The following RAB27B variants were observed in gnomAD, a reference collection of about 807,000 sequenced individuals.
RAB27B encodes the protein ras-related protein Rab-27B.
A neutral mutation model predicts 24.6 loss-of-function variants in RAB27B; 15 were observed. The observed-to-expected ratio is 0.61, with a 90% CI of 0.41 to 0.94. The LOEUF is 0.94. Ranked by LOEUF, RAB27B falls within the 40% of genes least tolerant of loss-of-function variation. The pLI is 0.00. For synonymous variants in RAB27B, 105 were observed against 92.5 expected (o/e 1.14, Z -0.78); for missense variants, 261 against 266.8 (o/e 0.98, Z 0.15).
At chr18:54,835,396 A>C (rs1253368881) in intron 1 of RAB27B, among the ~76,000 whole-genome samples, 1 of 151,354 alleles carries the variant, frequency 6.6e-6, no homozygotes, top group East Asian at 1.9e-4. Flanking sequence ...ATCACAGCTA[A>C]CTGTATGGAA....
Position 54,888,616 on chromosome 18 carries a change from TA to T in RAB27B, c.467+509del, listed in dbSNP as rs893902941. On this transcript the variant is annotated intron_variant, in intron 5 of 5. Transcript: ENST00000262094. ...TCCCAGCTGAGCTTGAATGGCAGCT[TA>T]AAAAAAAAAACAGAAACAACACCCC... 5.4e-4 allele frequency among the ~76,000 whole-genome samples: 79 copies of T among 145,692 alleles called. No individual in the cohort carries two copies. The South Asian group carries it at 6.5e-3, about 12-fold the overall frequency.
rs948408803 is a variant in RAB27B, at chr18:54,894,076, A to G, written c.*4663A>G. ...AATTTTTCCATAAATTAGATTTATG[A>G]TATTTTCATAAAGCACTTGATTAGT... is the stretch of plus-strand genomic sequence containing the variant. On this transcript the variant is annotated 3_prime_UTR_variant, in exon 6 of 6. Transcript: ENST00000262094. The G allele has an allele frequency of 6.6e-6, 1 of 151,936 alleles. No individual in the cohort carries two copies. Among genetic ancestry groups the G allele is most frequent in the Non-Finnish European group, 1.5e-5 (1 of 67,916 alleles). 9.4% of individuals were successfully genotyped at this position (151,936 alleles called of 1,614,324 possible).
In RAB27B at chr18:54,849,646, A is replaced by G. The variant is rs181097732; in HGVS notation, c.-20+20946A>G. Among the ~76,000 whole-genome samples, 7 of 152,294 alleles carry G rather than the reference A, an allele frequency of 4.6e-5. No individual in the cohort carries two copies. In the Middle Eastern group the frequency reaches 0.014, roughly 296 times the overall value. The stretch of plus-strand genomic sequence containing the variant: ...TGAGGCAGGAAAATCTCTTGAACCC[A>G]GGAGGTGGAGGTTGCAGTGAGCTGA... On this transcript the variant is annotated intron_variant, in intron 1 of 5. Coordinates refer to ENST00000262094, the MANE Select transcript of RAB27B (RefSeq NM_004163.4).
Position 54,872,799 on chromosome 18 carries a change from C to A in RAB27B, c.-19-4768C>A, listed in dbSNP as rs556807612. On this transcript the variant is annotated intron_variant, in intron 1 of 5. Coordinates refer to ENST00000262094, the MANE Select transcript of RAB27B (RefSeq NM_004163.4). ...GGCTCATGAGATTAATTTCATTAAT[C>A]ATGACATTTGCATGGCTGCAGATAG... 1.6e-4 allele frequency among the ~76,000 whole-genome samples: 25 copies of A among 152,224 alleles called. 1 individual carries two copies. The highest frequency in any genetic ancestry group is 6.0e-4 in the African/African-American group (25 of 41,530).
intron 1 of RAB27B, among the ~76,000 whole-genome samples, chr18:54,862,168 GAAGT>G (rs1329007750): frequency 6.6e-6 from 1 of 152,074 alleles, no homozygotes. Flanking sequence ...AAAAATTCTT[GAAGT>G]GAGTTTATTT....
At chr18:54,745,815 T>G (rs1210104811) in intron 2 of RAB27B, among the ~76,000 whole-genome samples, 1 of 147,408 alleles carries the variant, frequency 6.8e-6, no homozygotes, top group Non-Finnish European at 1.5e-5. Flanking sequence ...TTATAAATAT[T>G]AAATATTTAT....
chr18:54,810,832 CAAAATAAA>C (rs1170876312), intron 2 of RAB27B, among the ~76,000 whole-genome samples: 12 of 128,746 alleles, frequency 9.3e-5, no homozygotes, highest in Middle Eastern at 4.0e-3. Context: ...GACCCTGTCT[CAAAATAAA>C]TAAATAAATA....
At chr18:54,840,338 T>C (rs1160045819) in intron 1 of RAB27B, among the ~76,000 whole-genome samples, 1 of 152,212 alleles carries the variant, frequency 6.6e-6, no homozygotes, top group Non-Finnish European at 1.5e-5. Context: ...GTCTTTCTGA[T>C]AAATTAATTT....
intron 2 of RAB27B, among the ~76,000 whole-genome samples, chr18:54,759,881 C>A (rs978651317): frequency 6.6e-6 from 1 of 152,148 alleles, no homozygotes; most frequent in African/African-American, 2.4e-5. Context: ...CACTCCATCC[C>A]CTTTCCAGCT....
chr18:54,747,938 T>C (rs559653546), intron 2 of RAB27B, among the ~76,000 whole-genome samples: 3 of 152,138 alleles, frequency 2.0e-5, no homozygotes, highest in African/African-American at 7.2e-5. Flanking sequence ...TAAAACCCCA[T>C]CTTTGCAAAA....
intron 2 of RAB27B, among the ~76,000 whole-genome samples, chr18:54,878,429 C>T (rs966795146): frequency 2.0e-5 from 3 of 152,156 alleles, no homozygotes; most frequent in Non-Finnish European, 2.9e-5. Context: ...CTGTGGCTTC[C>T]AGTTGATGTC....
chr18:54,841,171 T>TGG (rs1409576382), intron 1 of RAB27B, among the ~76,000 whole-genome samples: 4 of 9,640 alleles, frequency 4.1e-4, no homozygotes, highest in Non-Finnish European at 1.2e-3. Context: ...GTGGGGGGTT[T>TGG]GGTGAGAGGG....
At chr18:54,817,426 C>G (rs1170006550) in intron 2 of RAB27B, among the ~76,000 whole-genome samples, 2 of 152,090 alleles carry the variant, frequency 1.3e-5, no homozygotes, top group East Asian at 1.9e-4. Context: ...AAATAATTAT[C>G]CTACTAGGGA....
chr18:54,878,471 A>T (rs1216030376), intron 2 of RAB27B, among the ~76,000 whole-genome samples: 3 of 152,186 alleles, frequency 2.0e-5, no homozygotes, highest in African/African-American at 7.2e-5. Flanking sequence ...GAATTGGGAA[A>T]GAAAACAAAA....
chr18:54,731,364 A>G (rs1033676458), intron 2 of RAB27B, among the ~76,000 whole-genome samples: 1 of 152,236 alleles, frequency 6.6e-6, no homozygotes, highest in African/African-American at 2.4e-5. Context: ...GCAAAAATTC[A>G]TAATGATATA....
rs566220662 is a variant in RAB27B, at chr18:54,807,385, T to A, written c.-19-70182T>A. Among the ~76,000 whole-genome samples the A allele has an allele frequency of 3.3e-4, 51 of 152,352 alleles. 1 individual carries two copies. Among genetic ancestry groups the A allele is most frequent in the African/African-American group, 1.2e-3 (50 of 41,590 alleles). Reference sequence around the variant, plus strand: ...TGAGCATAAACCTTTCCTTGAGGGTTCAGCTTTTAGCAGTGGGCAGAAGTG... The same window carrying A: ...TGAGCATAAACCTTTCCTTGAGGGTACAGCTTTTAGCAGTGGGCAGAAGTG... On this transcript the variant is annotated intron_variant, in intron 2 of 4. Coordinates refer to the RAB27B transcript ENST00000586570.
chr18:54,721,568 T>C (rs1344465712), intron 2 of RAB27B, among the ~76,000 whole-genome samples: 1 of 152,190 alleles, frequency 6.6e-6, no homozygotes, highest in Non-Finnish European at 1.5e-5. Context: ...TCTTGCTGTA[T>C]TGCAAGTATG....
intron 5 of RAB27B, 185 bp downstream of exon 5, chr18:54,888,303 T>C: frequency 1.7e-6 from 1 of 580,746 alleles, no homozygotes. Context: ...CACCTAACAT[T>C]TACTGTATAC....
At chr18:54,811,577 T>C (rs975734118) in intron 2 of RAB27B, among the ~76,000 whole-genome samples, 3 of 152,206 alleles carry the variant, frequency 2.0e-5, no homozygotes, top group African/African-American at 7.2e-5. Context: ...TCTGCATTTT[T>C]ACATAAACAG....
Sources: allele counts gnomAD v4.1 joint callset (sites outside exome capture counted in the v4.1 genomes callset), GRCh38; gene constraint gnomAD v4.1.1; transcripts MANE v1.5; gene names NCBI Gene and HGNC (gene_info 2026-07-23, HGNC 2026-07-21).